The following MYSM1 variants were observed in gnomAD, a reference collection of about 807,000 sequenced individuals.
MYSM1 encodes the protein deubiquitinase MYSM1.
MYSM1 carries 51 observed loss-of-function variants against 116.0 expected under a neutral mutation model. The ratio of observed to expected loss-of-function variants is 0.44; its 90% CI spans 0.35 to 0.56. The LOEUF is 0.56. Among genes scored for constraint, MYSM1 ranks in the 20% least tolerant of loss-of-function variants. The pLI is 0.00. For missense variants in MYSM1, 900 were observed against 974.9 expected, an observed-to-expected ratio of 0.92 and a Z score of 1.02; for synonymous variants, 313 against 315.2, an observed-to-expected ratio of 0.99 and a Z score of 0.07.
intron 8 of MYSM1, 68 bp from the exon 9 acceptor site, chr1:58,677,124 A>T (rs1644666087): frequency 7.3e-7 from 1 of 1,374,554 alleles, no homozygotes; most frequent in Non-Finnish European, 1.0e-6. Flanking sequence ...TCTGGGGAAA[A>T]CTTTCAATAT....
chr1:58,698,596 T>C (rs1156566490), intron 1 of MYSM1, among the ~76,000 whole-genome samples: 1 of 152,064 alleles, frequency 6.6e-6, no homozygotes, highest in Non-Finnish European at 1.5e-5. Flanking sequence ...GGAAGAAGCA[T>C]ACAGCCAATG....
Position 58,673,664 on chromosome 1 carries a change from A to G in MYSM1, c.1495-14T>C, listed in dbSNP as rs758758892. On this transcript the variant is annotated splice_polypyrimidine_tract_variant and intron_variant, in intron 10 of 19. Coordinates refer to ENST00000472487, the MANE Select transcript of MYSM1 (RefSeq NM_001085487.3). ...TCTCCTTGTACGCTGCGATGAGATT[A>G]AAGTAAAGCAAAAGGTAGCAAGATT... 5 of 1,609,426 alleles carry G rather than the reference A, an allele frequency of 3.1e-6. No homozygotes were observed. The Admixed American group carries it at 6.7e-5, about 21-fold the overall frequency.
chr1:58,665,960 G>A (rs1001618898), intron 16 of MYSM1, among the ~76,000 whole-genome samples: 2 of 152,130 alleles, frequency 1.3e-5, no homozygotes, highest in Non-Finnish European at 2.9e-5. Flanking sequence ...AGGAGGCTGA[G>A]GCAGCAGAAT....
intron 19 of MYSM1, among the ~76,000 whole-genome samples, chr1:58,660,867 A>G (rs115374055): frequency 0.017 from 2,638 of 152,218 alleles, 68 homozygotes; most frequent in African/African-American, 0.059. Context: ...CTAAAATGGA[A>G]ACATGGCACT....
At chr1:58,679,175 AT>A (rs201915877) in intron 8 of MYSM1, among the ~76,000 whole-genome samples, 72 of 150,980 alleles carry the variant, frequency 4.8e-4, no homozygotes, top group Middle Eastern at 3.4e-3. Context: ...TAACTCTTCT[AT>A]TTTTTTTTAA....
At chr1:58,694,393 C>T (rs1281854024) in intron 2 of MYSM1, among the ~76,000 whole-genome samples, 1 of 152,016 alleles carries the variant, frequency 6.6e-6, no homozygotes, top group African/African-American at 2.4e-5. Flanking sequence ...GAGGCTGAGG[C>T]GGGCGGATCA....
intron 16 of MYSM1, among the ~76,000 whole-genome samples, 155 bp downstream of exon 16, chr1:58,666,883 A>T (rs564331831): frequency 3.2e-5 from 3 of 93,366 alleles, no homozygotes; most frequent in African/African-American, 1.7e-4. Flanking sequence ...TCAAAAAAAA[A>T]ATAATAATAA....
Position 58,690,109 on chromosome 1 carries a change from A to G in MYSM1, c.320+117T>C, listed in dbSNP as rs1031711972. The G allele has an allele frequency of 1.9e-5, 15 of 782,576 alleles. No individual in the cohort carries two copies. In the African/African-American group the frequency reaches 2.8e-4, roughly 14 times the overall value. The allele number at this position is 782,576 out of a possible 1,614,324, so 48.5% of individuals were successfully genotyped here. ...CATCTTTATTAAAAAAACTGTTTTT[A>G]TATCTACTTTAAGGTCAAGAGGGCT... is the stretch of plus-strand genomic sequence containing the variant. On this transcript the variant is annotated intron_variant, in intron 5 of 19. Transcript: ENST00000472487.
chr1:58,677,951 T>C (rs1644678507), intron 8 of MYSM1, among the ~76,000 whole-genome samples: 1 of 152,130 alleles, frequency 6.6e-6, no homozygotes, highest in African/African-American at 2.4e-5. Flanking sequence ...TCATATAACA[T>C]GGGTATTTCT....
intron 6 of MYSM1, among the ~76,000 whole-genome samples, chr1:58,687,748 A>G (rs1456641343): frequency 6.6e-6 from 1 of 152,202 alleles, no homozygotes; most frequent in Non-Finnish European, 1.5e-5. Context: ...GAACTGCCTC[A>G]TCATGGGAAC....
At chr1:58,685,017 G>A in intron 7 of MYSM1, 136 bp downstream of exon 7, 1 of 557,860 alleles carries the variant, frequency 1.8e-6, no homozygotes, top group South Asian at 3.8e-5. Context: ...CTGAGGTTTT[G>A]TATAGTACTA....
At position 58,658,316 on chromosome 1, in the gene MYSM1, A is replaced by C. The variant is rs901470971; in HGVS notation, c.*1681T>G. Reference sequence around the variant, plus strand: ...TGTTTATCCTAAGTGCACACAGAGAAATGGAAAAATACTACCCTTTTTTTT... The same window carrying C: ...TGTTTATCCTAAGTGCACACAGAGACATGGAAAAATACTACCCTTTTTTTT... On this transcript the variant is annotated 3_prime_UTR_variant, in exon 20 of 20. Transcript: ENST00000472487. 9 of 152,104 alleles carry C rather than the reference A, an allele frequency of 5.9e-5. No homozygotes were observed. Among genetic ancestry groups the C allele is most frequent in the African/African-American group, 2.2e-4 (9 of 41,372 alleles). 9.4% of individuals were successfully genotyped at this position (152,104 alleles called of 1,614,324 possible).
intron 19 of MYSM1, among the ~76,000 whole-genome samples, chr1:58,660,413 C>T (rs1370617879): frequency 6.6e-6 from 1 of 152,028 alleles, no homozygotes; most frequent in East Asian, 1.9e-4. Context: ...TTATGTGATG[C>T]TTTCTACTTC....
intron 1 of MYSM1, among the ~76,000 whole-genome samples, chr1:58,697,975 G>A (rs1288886368): frequency 2.7e-5 from 4 of 149,060 alleles, no homozygotes; most frequent in Non-Finnish European, 4.5e-5. Context: ...AATTCTCAAC[G>A]GTTTCACAGA....
chr1:58,663,054 T>G (rs1644417974), intron 17 of MYSM1, among the ~76,000 whole-genome samples: 1 of 152,174 alleles, frequency 6.6e-6, no homozygotes, highest in Non-Finnish European at 1.5e-5. Flanking sequence ...GTAGTAATTT[T>G]TTCTCATTTT....
rs1266948669 is a variant in MYSM1 at position 58,658,205 on chromosome 1, G to GT, written c.*1791dup. ...CAGCAAAGTTGGTAACAGAGTTAGG[G>GT]TAAGAGCTCAGGTTTCCTGACTTTT... On this transcript the variant is annotated 3_prime_UTR_variant, in exon 20 of 20. Transcript: ENST00000472487. 4 of 152,062 alleles carry GT rather than the reference G, an allele frequency of 2.6e-5. No individual in the cohort carries two copies. Among genetic ancestry groups the GT allele is most frequent in the African/African-American group, 9.7e-5 (4 of 41,392 alleles). 9.4% of individuals were successfully genotyped at this position (152,062 alleles called of 1,614,324 possible). A position where few individuals can be genotyped will look rare whatever the true frequency, so the allele number is the denominator to read the frequency against.
intron 6 of MYSM1, among the ~76,000 whole-genome samples, chr1:58,688,824 CTATTTTAG>C (rs1332683807): frequency 6.6e-5 from 10 of 152,088 alleles, no homozygotes; most frequent in African/African-American, 2.4e-4. Flanking sequence ...AGATCTAAAT[CTATTTTAG>C]TATTTTAGTA....
chr1:58,694,833 TACC>T (rs2100682732), intron 2 of MYSM1, among the ~76,000 whole-genome samples: 1 of 152,230 alleles, frequency 6.6e-6, no homozygotes, highest in South Asian at 2.1e-4. Context: ...CTTGCCCACC[TACC>T]ACTTTTTTAG....
chr1:58,693,874 G>A (rs1046599038), intron 2 of MYSM1, among the ~76,000 whole-genome samples: 2 of 152,138 alleles, frequency 1.3e-5, no homozygotes, highest in South Asian at 4.1e-4. Flanking sequence ...AAAACAAAAT[G>A]TAAACCCTTT....
Sources: allele counts gnomAD v4.1 joint callset (sites outside exome capture counted in the v4.1 genomes callset), GRCh38; gene constraint gnomAD v4.1.1; transcripts MANE v1.5; gene names NCBI Gene and HGNC (gene_info 2026-07-23, HGNC 2026-07-21).